RIMBP2: variants seen among roughly 807,000 people sequenced by gnomAD.
The protein encoded by RIMBP2 is RIMS binding protein 2.
Under a neutral mutation model 118.6 loss-of-function variants are expected in RIMBP2, and 48 were observed. The observed-to-expected ratio is 0.40, with a 90% CI of 0.32 to 0.51. The LOEUF is 0.51. RIMBP2 is among the 20% of genes least tolerant of loss of function. The pLI is 0.41. For missense variants in RIMBP2, 1,551 were observed against 1,768.3 expected, an observed-to-expected ratio of 0.88 and a Z score of 2.20; for synonymous variants, 762 against 742.9, an observed-to-expected ratio of 1.03 and a Z score of -0.42.
rs1312184220 is a variant in RIMBP2, at chr12:130,447,522, C to A, written c.582-2253G>T. Among the ~76,000 whole-genome samples the A allele has an allele frequency of 6.6e-6, 1 of 151,998 alleles. No homozygotes were observed. Among genetic ancestry groups the A allele is most frequent in the Non-Finnish European group, 1.5e-5 (1 of 68,006 alleles). ...AGGTGATCACTGATGGGAATGGGTT[C>A]TTGAGGGGCGATGGGAGACGAGGGA... On this transcript the variant is annotated intron_variant, in intron 9 of 22. Transcript: ENST00000690449. The surrounding 1 kb of genome is among the most constrained non-coding windows in gnomAD (Gnocchi z 4.4).
In RIMBP2 at chr12:130,703,836, C is replaced by CGAGAGA. The variant is rs1593041258; in HGVS notation, c.-352+12385_-352+12386insTCTCTC. Reference sequence around the variant, plus strand: ...GAAATACAGAGAGAGAGAGAGAGATCGATCTAGAAGCACGGAGGGAACCCT... The same window carrying CGAGAGA: ...GAAATACAGAGAGAGAGAGAGAGATCGAGAGAGATCTAGAAGCACGGAGGGAACCCT... On this transcript the variant is annotated intron_variant, in intron 1 of 22. Transcript: ENST00000690449. The surrounding 1 kb of genome is among the most constrained non-coding windows in gnomAD (Gnocchi z 5.7). 1.6e-5 allele frequency among the ~76,000 whole-genome samples: 2 copies of CGAGAGA among 123,208 alleles called. No homozygotes were observed. Among genetic ancestry groups the CGAGAGA allele is most frequent in the Non-Finnish European group, 3.2e-5 (2 of 61,820 alleles). The allele number at this position is 123,208 out of a possible 152,430, so 80.8% of individuals were successfully genotyped here.
rs953819654 is a variant in RIMBP2, at chr12:130,623,001, G to A, written c.-217+5321C>T. On this transcript the variant is annotated intron_variant, in intron 2 of 22. Coordinates refer to ENST00000690449, the MANE Select transcript of RIMBP2 (RefSeq NM_001393629.1). This position sits in a 1 kb window ranked among gnomAD's most constrained non-coding sequence, Gnocchi z 4.1. ...GGACTGAGGTCTGGGGATACTGTTG[G>A]GGCCATTTCCTTCTAGTATCAATGG... 2.6e-5 allele frequency among the ~76,000 whole-genome samples: 4 copies of A among 152,170 alleles called. No individual in the cohort carries two copies. Among genetic ancestry groups the A allele is most frequent in the Non-Finnish European group, 5.9e-5 (4 of 68,040 alleles).
At chr12:130,526,648 C>A (rs922303415) in intron 2 of RIMBP2, among the ~76,000 whole-genome samples, 3 of 152,206 alleles carry the variant, frequency 2.0e-5, no homozygotes, top group Middle Eastern at 3.4e-3. Flanking sequence ...ATTTTATAAC[C>A]AGTTTTATCT....
chr12:130,422,673 T>A lies in RIMBP2; in HGVS notation c.3130-112A>T. 1 of 734,962 alleles carries A rather than the reference T, an allele frequency of 1.4e-6. No homozygotes were observed. Among genetic ancestry groups the A allele is most frequent in the Admixed American group, 2.4e-5 (1 of 41,190 alleles). The allele number at this position is 734,962 out of a possible 1,614,324, so 45.5% of individuals were successfully genotyped here. Reference sequence around the variant, plus strand: ...GCAGAATCTGTAAAGGCAACTAAACTTAGCTTTTAACTGAAAGGTTAGCTG... The same window carrying A: ...GCAGAATCTGTAAAGGCAACTAAACATAGCTTTTAACTGAAAGGTTAGCTG... On this transcript the variant is annotated intron_variant, in intron 16 of 22. Coordinates refer to ENST00000690449, the MANE Select transcript of RIMBP2 (RefSeq NM_001393629.1). The surrounding 1 kb of genome is among the most constrained non-coding windows in gnomAD (Gnocchi z 5.2).
intron 2 of RIMBP2, among the ~76,000 whole-genome samples, chr12:130,606,072 CAAAAAG>C (rs1457196005): frequency 2.7e-5 from 4 of 146,470 alleles, no homozygotes; most frequent in Non-Finnish European, 6.0e-5. Context: ...TCTCAAAAAA[CAAAAAG>C]AAAAAGAAAA....
intron 2 of RIMBP2, among the ~76,000 whole-genome samples, chr12:130,565,278 G>A (rs1039491161): frequency 3.3e-5 from 5 of 152,154 alleles, no homozygotes; most frequent in African/African-American, 9.7e-5. Flanking sequence ...TCAAGGATGT[G>A]GAGAAATTGG....
At chr12:130,560,187 C>T (rs2056705326) in intron 2 of RIMBP2, among the ~76,000 whole-genome samples, 1 of 152,174 alleles carries the variant, frequency 6.6e-6, no homozygotes, top group Non-Finnish European at 1.5e-5. Flanking sequence ...ATTTCTATTT[C>T]CCCCACCATA....
intron 19 of RIMBP2, among the ~76,000 whole-genome samples, chr12:130,410,977 A>G (rs2075665842): frequency 6.6e-6 from 1 of 152,190 alleles, no homozygotes. Flanking sequence ...TAAGTCCATG[A>G]ATATGATCTC....
At chr12:130,592,832 G>A (rs960126620) in intron 2 of RIMBP2, among the ~76,000 whole-genome samples, 2 of 152,156 alleles carry the variant, frequency 1.3e-5, no homozygotes, top group Non-Finnish European at 2.9e-5. Flanking sequence ...CAGGGAAATC[G>A]GGAGCGGGAG....
At position 130,424,995 on chromosome 12, in the gene RIMBP2, GGCCGGGGGCAT is replaced by G. The variant is rs1182173401; in HGVS notation, c.2413-148_2413-138del. On this transcript the variant is annotated intron_variant, in intron 15 of 22. Transcript: ENST00000690449. This position sits in a 1 kb window ranked among gnomAD's most constrained non-coding sequence, Gnocchi z 9.8. ...GGGGGGGGAAGCATGCGTCTACTCA[GGCCGGGGGCAT>G]GCCGTGGAGGGCTCTGCAATGAAAA... The G allele has an allele frequency of 7.9e-5, 36 of 454,612 alleles. No individual in the cohort carries two copies. The highest frequency in any genetic ancestry group is 6.8e-4 in the African/African-American group (34 of 49,724). 28.2% of individuals were successfully genotyped at this position (454,612 alleles called of 1,614,324 possible).
rs73444569 is a variant in RIMBP2, at chr12:130,425,082, G to A, written c.2413-224C>T. On this transcript the variant is annotated intron_variant, in intron 15 of 22. Coordinates refer to ENST00000690449, the MANE Select transcript of RIMBP2 (RefSeq NM_001393629.1). ...GGGTGGAGGCTGAGGCAGAGCACAC[G>A]CAGAGCCAGCGGGCCGGGCAGGAGC... 4.7e-4 allele frequency: 183 copies of A among 385,962 alleles called. 1 individual carries two copies. Among genetic ancestry groups the A allele is most frequent in the African/African-American group, 2.7e-3 (130 of 48,518 alleles). 23.9% of individuals were successfully genotyped at this position (385,962 alleles called of 1,614,324 possible).
intron 17 of RIMBP2, among the ~76,000 whole-genome samples, chr12:130,417,885 C>T (rs181113986): frequency 3.9e-4 from 60 of 151,900 alleles, no homozygotes; most frequent in African/African-American, 1.4e-3. Context: ...AGGGAACTGA[C>T]AGATAATATT....
chr12:130,543,646 A>G (rs1461356081), intron 2 of RIMBP2, among the ~76,000 whole-genome samples: 1 of 152,128 alleles, frequency 6.6e-6, no homozygotes, highest in African/African-American at 2.4e-5. Context: ...TCTTTTTGCT[A>G]AAAGGAAGAT....
At chr12:130,438,335 A>ACCGGGCCCCCCCC in intron 12 of RIMBP2, 30 bp downstream of exon 12, 1 of 865,012 alleles carries the variant, frequency 1.2e-6, no homozygotes, top group East Asian at 2.8e-5. Context: ...GGCCTAACAA[A>ACCGGGCCCCCCCC]CCCTCCCCAC....
chr12:130,597,602 G>A (rs1208070841), intron 2 of RIMBP2, among the ~76,000 whole-genome samples: 2 of 152,182 alleles, frequency 1.3e-5, no homozygotes, highest in African/African-American at 4.8e-5. Context: ...TTTAACATGT[G>A]AAAAATCAAT....
intron 2 of RIMBP2, among the ~76,000 whole-genome samples, chr12:130,609,411 T>C (rs900504861): frequency 7.6e-6 from 1 of 131,150 alleles, no homozygotes; most frequent in Non-Finnish European, 1.7e-5. Flanking sequence ...GGGCCTTGAT[T>C]AACCCTCCTT....
chr12:130,538,389 G>A (rs554407044), intron 2 of RIMBP2, among the ~76,000 whole-genome samples: 114 of 152,068 alleles, frequency 7.5e-4, no homozygotes, highest in Middle Eastern at 3.4e-3. Flanking sequence ...GGTCCTCACT[G>A]CCCTTACTCA....
At chr12:130,489,985 A>G (rs912145689) in intron 4 of RIMBP2, among the ~76,000 whole-genome samples, 9 of 152,042 alleles carry the variant, frequency 5.9e-5, no homozygotes, top group South Asian at 2.1e-4. Flanking sequence ...TTAGCCAGGC[A>G]TGGTGGCAGG....
At chr12:130,405,034 T>C (rs1293493252) in intron 21 of RIMBP2, among the ~76,000 whole-genome samples, 3 of 152,216 alleles carry the variant, frequency 2.0e-5, no homozygotes, top group Admixed American at 1.3e-4. Context: ...AAATGGTAGA[T>C]ACTTGAGATT....
Sources: gnomAD v4.1 joint callset for allele counts (sites outside exome capture counted in the v4.1 genomes callset) on GRCh38, gnomAD v4.1.1 for gene constraint, Gnocchi (gnomAD v3.1) non-coding constraint, MANE v1.5 for transcripts, NCBI Gene and HGNC (gene_info 2026-07-23, HGNC 2026-07-21) for gene names.